The following HLA-DPB1 variants were observed in gnomAD, a reference collection of about 807,000 sequenced individuals.
HLA-DPB1 encodes the protein HLA class II histocompatibility antigen, DP beta 1 chain.
HLA-DPB1 carries 30 observed loss-of-function variants against 29.4 expected under a neutral mutation model. The ratio of observed to expected loss-of-function variants is 1.02; its 90% CI spans 0.76 to 1.38. The LOEUF is 1.38. HLA-DPB1 is among the 40% of genes most tolerant of loss of function. The pLI, the probability that HLA-DPB1 is intolerant of heterozygous loss-of-function variation, is 0.00. For missense variants in HLA-DPB1, 261 were observed against 327.5 expected (o/e 0.80, Z 1.57); for synonymous variants, 114 against 134.0 (o/e 0.85, Z 1.03).
In HLA-DPB1 at chr6:33,080,427, T is replaced by C. The variant is rs896516652; in HGVS notation, c.101-245T>C. The C allele has an allele frequency of 5.8e-6, 4 of 693,426 alleles. No individual in the cohort carries two copies. In the Middle Eastern group the frequency reaches 1.1e-3, roughly 194 times the overall value. 43.0% of individuals were successfully genotyped at this position (693,426 alleles called of 1,614,324 possible). A position where few individuals can be genotyped will look rare whatever the true frequency, so the allele number is the denominator to read the frequency against. ...CCCCTCAGTGCTCGCCCCTCCCTAG[T>C]GATCACTCAGTGCCCCTGAGCTCAT... On this transcript the variant is annotated intron_variant, in intron 1 of 5. Coordinates refer to ENST00000418931, the MANE Select transcript of HLA-DPB1 (RefSeq NM_002121.6). This position sits in a 1 kb window ranked among gnomAD's most constrained non-coding sequence, Gnocchi z 4.3.
At position 33,086,534 on chromosome 6, in the gene HLA-DPB1, C is replaced by T; in HGVS notation, c.*5-5C>T. On this transcript the variant is annotated splice_region_variant and splice_polypyrimidine_tract_variant and intron_variant, in intron 5 of 5. Transcript: ENST00000418931. ...CCTGGGATAACTTGTCTTTTACCCCCACAGGGTTCCTGAGCTCACTGAAAA... is the reference window on the plus strand; with the variant it reads ...CCTGGGATAACTTGTCTTTTACCCCTACAGGGTTCCTGAGCTCACTGAAAA... The T allele has an allele frequency of 1.5e-6, 1 of 657,004 alleles. No homozygotes were observed. The highest frequency in any genetic ancestry group is 2.8e-6 in the Non-Finnish European group (1 of 351,092). The allele number at this position is 657,004 out of a possible 1,614,324, so 40.7% of individuals were successfully genotyped here. A position where few individuals can be genotyped will look rare whatever the true frequency, so the allele number is the denominator to read the frequency against.
In HLA-DPB1 at chr6:33,087,915, A is replaced by G. The variant is rs1277715789; in HGVS notation, c.*1381A>G. Reference sequence around the variant, plus strand: ...TTCTTAACCTAGGGAATAGGACACAATCATTTTTTCTTTTTAAAACATCTT... The same window carrying G: ...TTCTTAACCTAGGGAATAGGACACAGTCATTTTTTCTTTTTAAAACATCTT... On this transcript the variant is annotated 3_prime_UTR_variant, in exon 6 of 6. Transcript: ENST00000418931. Among the ~76,000 whole-genome samples, 4 of 150,232 alleles carry G rather than the reference A, an allele frequency of 2.7e-5. No individual in the cohort carries two copies. The highest frequency in any genetic ancestry group is 6.6e-5 in the Admixed American group (1 of 15,218).
chr6:33,080,569 T>C lies in HLA-DPB1; in HGVS notation c.101-103T>C, dbSNP rs1280252638. 3 of 1,549,044 alleles carry C rather than the reference T, an allele frequency of 1.9e-6. No individual in the cohort carries two copies. The highest frequency in any genetic ancestry group is 2.7e-6 in the Non-Finnish European group (3 of 1,126,752). ...AAACTCCTATTTTAAAATCCAGCCC[T>C]GGGTGGGAAGATTTGGGAAGAATCG... is the stretch of plus-strand genomic sequence containing the variant. On this transcript the variant is annotated intron_variant, in intron 1 of 5. Transcript: ENST00000418931. This position sits in a 1 kb window ranked among gnomAD's most constrained non-coding sequence, Gnocchi z 4.3.
chr6:33,085,347 T>C, intron 3 of HLA-DPB1, 116 bp downstream of exon 3: 1 of 901,600 alleles, frequency 1.1e-6, no homozygotes, highest in Non-Finnish European at 1.7e-6. Context: ...CCAAACCCCA[T>C]CTTTCTTCTA....
At position 33,084,345 on chromosome 6, in the gene HLA-DPB1, TACTA is replaced by T. The variant is rs772621557; in HGVS notation, c.365-600_365-597del. The stretch of plus-strand genomic sequence containing the variant: ...TCTCCCTGCCATTCCGCTATATACT[TACTA>T]ACTATTATTTTATTCAAGATCATGC... On this transcript the variant is annotated intron_variant, in intron 2 of 5. Coordinates refer to ENST00000418931, the MANE Select transcript of HLA-DPB1 (RefSeq NM_002121.6). Among the ~76,000 whole-genome samples, 16 of 152,326 alleles carry T rather than the reference TACTA, an allele frequency of 1.1e-4. No homozygotes were observed. The South Asian group carries it at 2.3e-3, about 22-fold the overall frequency.
intron 2 of HLA-DPB1, among the ~76,000 whole-genome samples, chr6:33,083,039 G>A (rs1340660451): frequency 2.6e-4 from 39 of 152,170 alleles, no homozygotes; most frequent in Admixed American, 2.6e-3. Flanking sequence ...AGCTCTATGG[G>A]GAAGAAATTG....
rs902201134 is a variant in HLA-DPB1, at chr6:33,088,851, G to A, written c.*2317G>A. On this transcript the variant is annotated 3_prime_UTR_variant, in exon 6 of 6. Transcript: ENST00000418931. The stretch of plus-strand genomic sequence containing the variant: ...ACTCAACCTCTGACTCAGAAAAATT[G>A]ATACCTGCAGAAGAAAAAACCCGGC... Among the ~76,000 whole-genome samples the A allele has an allele frequency of 1.3e-5, 2 of 152,078 alleles. No individual in the cohort carries two copies. The highest frequency in any genetic ancestry group is 4.8e-5 in the African/African-American group (2 of 41,372).
At position 33,086,822 on chromosome 6, in the gene HLA-DPB1, TTTCTC is replaced by T. The variant is rs3833672; in HGVS notation, c.*290_*294del. On this transcript the variant is annotated 3_prime_UTR_variant, in exon 6 of 6. Transcript: ENST00000418931. ...ATGCACCAAATCATCTCTCATCACT[TTTCTC>T]TGAGGGTTTTAGTAGACAGTAGGAG... The T allele has an allele frequency of 0.028, 9,271 of 326,898 alleles. 336 individuals are homozygous for T. Among genetic ancestry groups the T allele is most frequent in the African/African-American group, 0.089 (3,941 of 44,258 alleles). The allele number at this position is 326,898 out of a possible 1,614,324, so 20.2% of individuals were successfully genotyped here.
At chr6:33,076,592 G>C (rs1018191491) in intron 1 of HLA-DPB1, among the ~76,000 whole-genome samples, 22 of 152,280 alleles carry the variant, frequency 1.4e-4, no homozygotes, top group Non-Finnish European at 3.2e-4. Flanking sequence ...TATTCCCCAG[G>C]GTGGAGCAGG....
intron 1 of HLA-DPB1, among the ~76,000 whole-genome samples, chr6:33,077,271 A>C (rs1176636927): frequency 6.6e-6 from 1 of 152,090 alleles, no homozygotes. Context: ...ATGGCTGCAC[A>C]GTATTCCATG....
intron 4 of HLA-DPB1, 68 bp downstream of exon 4, chr6:33,085,957 G>A: frequency 1.9e-6 from 2 of 1,067,744 alleles, no homozygotes; most frequent in Non-Finnish European, 2.8e-6. Context: ...TCCACGATGA[G>A]GGGTTTGACA....
chr6:33,085,998 A>G, intron 4 of HLA-DPB1, 109 bp downstream of exon 4: 1 of 795,532 alleles, frequency 1.3e-6, no homozygotes, highest in East Asian at 2.6e-5. Flanking sequence ...TCTAGAGGCC[A>G]CTGATATCAG....
rs141401138 is a variant in HLA-DPB1 at position 33,086,015 on chromosome 6, G to A, written c.757+126G>A. 910 of 767,568 alleles carry A rather than the reference G, an allele frequency of 1.2e-3. 2 individuals carry two copies. Among genetic ancestry groups the A allele is most frequent in the African/African-American group, 8.8e-3 (499 of 56,426 alleles). 47.5% of individuals were successfully genotyped at this position (767,568 alleles called of 1,614,324 possible). ...TAGAGGCCACTGATATCAGATAATC[G>A]GGGAACAAACATGACCTATAGCGAG... is the stretch of plus-strand genomic sequence containing the variant. On this transcript the variant is annotated intron_variant, in intron 4 of 5. Transcript: ENST00000418931.
rs554233868 is a variant in HLA-DPB1 at position 33,078,928 on chromosome 6, G to A, written c.101-1744G>A. Among the ~76,000 whole-genome samples, 8 of 152,314 alleles carry A rather than the reference G, an allele frequency of 5.3e-5. 1 individual carries two copies. The highest frequency in any genetic ancestry group is 1.9e-4 in the African/African-American group (8 of 41,562). On this transcript the variant is annotated intron_variant, in intron 1 of 5. Coordinates refer to ENST00000418931, the MANE Select transcript of HLA-DPB1 (RefSeq NM_002121.6). ...ATGGATGGCAGAGGAGGAGGAATCT[G>A]GACTCAAGGAGCTGGGGGGCTCTGG...
In HLA-DPB1 at chr6:33,086,730, T is replaced by C. The variant is rs1698170283; in HGVS notation, c.*196T>C. 2.5e-6 allele frequency: 1 copy of C among 403,706 alleles called. No homozygotes were observed. Among genetic ancestry groups the C allele is most frequent in the African/African-American group, 2.2e-5 (1 of 45,826 alleles). 25.0% of individuals were successfully genotyped at this position (403,706 alleles called of 1,614,324 possible). ...GTTTCTCTCACTGGGCCTCCAACCA[T>C]GTTCCCTTCTTCTTAGCACCACAAA... On this transcript the variant is annotated 3_prime_UTR_variant, in exon 6 of 6. Coordinates refer to ENST00000418931, the MANE Select transcript of HLA-DPB1 (RefSeq NM_002121.6).
At position 33,080,072 on chromosome 6, in the gene HLA-DPB1, T is replaced by C. The variant is rs1435925526; in HGVS notation, c.101-600T>C. Among the ~76,000 whole-genome samples, 1 of 152,210 alleles carries C rather than the reference T, an allele frequency of 6.6e-6. No homozygotes were observed. Among genetic ancestry groups the C allele is most frequent in the Non-Finnish European group, 1.5e-5 (1 of 68,044 alleles). ...AACTTTCAGGCTACAGAGTCTTTCT[T>C]ATACCAAAGTTGAAGAAAGTTTTAA... On this transcript the variant is annotated intron_variant, in intron 1 of 5. Coordinates refer to ENST00000418931, the MANE Select transcript of HLA-DPB1 (RefSeq NM_002121.6). The surrounding 1 kb of genome is among the most constrained non-coding windows in gnomAD (Gnocchi z 4.3).
intron 5 of HLA-DPB1, 57 bp downstream of exon 5, chr6:33,086,299 T>C (rs1763099319): frequency 1.6e-6 from 2 of 1,269,174 alleles, no homozygotes; most frequent in Non-Finnish European, 1.2e-6. Context: ...TATGAGTCCT[T>C]TCTGTGCATT....
chr6:33,085,790 G>A lies in HLA-DPB1; in HGVS notation c.658G>A (p.Asp220Asn). The A allele has an allele frequency of 1.2e-6, 2 of 1,613,764 alleles. No homozygotes were observed. Among genetic ancestry groups the A allele is most frequent in the Admixed American group, 3.3e-5 (2 of 60,026 alleles). Reference sequence around the variant, plus strand: ...TCTGTCCTTCCCAGAGGCACAGTCTGATTCTGCCCGGAGTAAGACATTGAC... The same window carrying A: ...TCTGTCCTTCCCAGAGGCACAGTCTAATTCTGCCCGGAGTAAGACATTGAC... ...PVTVEWKAQS[D>N]SARSKTLTGA... Residue 220 changes from aspartate to asparagine, a missense_variant, in exon 4 of 6, where the codon GAT becomes AAT. Transcript: ENST00000418931.
chr6:33,077,066 C>T (rs1416569627), intron 1 of HLA-DPB1, among the ~76,000 whole-genome samples: 3 of 112,368 alleles, frequency 2.7e-5, no homozygotes, highest in Non-Finnish European at 5.3e-5. Context: ...CTATCCCTCC[C>T]CCCTCCCCCC....
Sources: gnomAD v4.1 joint callset for allele counts (sites outside exome capture counted in the v4.1 genomes callset) on GRCh38, gnomAD v4.1.1 for gene constraint, Gnocchi (gnomAD v3.1) non-coding constraint, MANE v1.5 for transcripts, NCBI Gene and HGNC (gene_info 2026-07-23, HGNC 2026-07-21) for gene names.